TLR5: variants seen among roughly 807,000 people sequenced by gnomAD.
TLR5 encodes the protein toll like receptor 5, also known as toll-like receptor 5.
For missense variants in TLR5, 944 were observed against 999.8 expected (o/e 0.94, Z 0.75); for synonymous variants, 373 against 384.4 (o/e 0.97, Z 0.35).
chr1:223,111,652 G>A lies in TLR5; in HGVS notation c.1380C>T (p.Phe460=), dbSNP rs760375542. 50 of 1,614,066 alleles carry A rather than the reference G, an allele frequency of 3.1e-5. No homozygotes were observed. The Middle Eastern group carries it at 6.6e-4, about 21-fold the overall frequency. The part of the protein sequence containing the change: ...LQILILNQNR[F]SSCSGDQTPS... ...GGGTTTGATCTCCACTACAGGAGGA[G>A]AAGCGATTTTGATTTAAAATGAGAA... is the stretch of plus-strand genomic sequence containing the variant. The change falls in exon 6 of 6, where the codon TTC becomes TTT. Residue 460 remains phenylalanine, a synonymous_variant. Transcript: ENST00000642603.
chr1:223,111,735 T>C lies in TLR5; in HGVS notation c.1297A>G (p.Asn433Asp), dbSNP rs972663262. 1.9e-6 allele frequency: 3 copies of C among 1,614,046 alleles called. No homozygotes were observed. The highest frequency in any genetic ancestry group is 4.5e-5 in the East Asian group (2 of 44,882). The change falls in exon 6 of 6, where the codon AAC becomes GAC. Residue 433 changes from asparagine to aspartate, a missense_variant. Physicochemically the swap from Asn to Asp is conservative, Grantham distance 23. Coordinates refer to ENST00000642603, the MANE Select transcript of TLR5 (RefSeq NM_003268.6). ...AGAATATCTAGATTTTCTAGCCTGT[T>C]TTCTGATAAGTGGATGAGGTTCGCT... ...LTANLIHLSE[N>D]RLENLDILYF...
rs1656319255 is a variant in TLR5, at chr1:223,111,259, G to C, written c.1773C>G (p.Ile591Met). ...TGACATTGGTGTGATTAAGCCAATT[G>C]ATAAAAGTGCTAAGTTCACATTCAC... ...FICECELSTF[I>M]NWLNHTNVTI... Residue 591 changes from isoleucine (I) to methionine (M), a missense_variant, in exon 6 of 6, where the codon ATC (isoleucine) becomes ATG (methionine). Transcript: ENST00000642603. 6.2e-7 allele frequency: 1 copy of C among 1,614,010 alleles called. No homozygotes were observed. Among genetic ancestry groups the C allele is most frequent in the Admixed American group, 1.7e-5 (1 of 59,982 alleles).
chr1:223,126,495 TTA>T (rs1485468255), intron 5 of TLR5, among the ~76,000 whole-genome samples: 12 of 152,262 alleles, frequency 7.9e-5, no homozygotes, highest in African/African-American at 1.9e-4. Flanking sequence ...AAAATGAAAA[TTA>T]TATGTCTATT....
chr1:223,118,033 C>T lies in TLR5; in HGVS notation c.-4-4998G>A, dbSNP rs113823786. Among the ~76,000 whole-genome samples the T allele has an allele frequency of 7.2e-3, 1,101 of 152,290 alleles. 16 individuals are homozygous for T. Among genetic ancestry groups the T allele is most frequent in the African/African-American group, 0.024 (1,002 of 41,550 alleles). ...TATTCCAAGCCAAATGTGAGGACCA[C>T]GACCTGTGACACAGCCCTCAGGAGA... is the stretch of plus-strand genomic sequence containing the variant. On this transcript the variant is annotated intron_variant, in intron 5 of 5. Transcript: ENST00000642603.
chr1:223,110,394 G>T lies in TLR5; in HGVS notation c.*61C>A. The stretch of plus-strand genomic sequence containing the variant: ...GAGAGGACCCCAAAATGATAACTTG[G>T]TGCAAATACAAAGTGAAGAGTTATT... On this transcript the variant is annotated 3_prime_UTR_variant, in exon 6 of 6. Transcript: ENST00000642603. 6.3e-7 allele frequency: 1 copy of T among 1,581,732 alleles called. No individual in the cohort carries two copies. Among genetic ancestry groups the T allele is most frequent in the Non-Finnish European group, 8.7e-7 (1 of 1,154,038 alleles).
At chr1:223,141,853 A>G (rs1051973810) in intron 1 of TLR5, 90 bp from the exon 2 acceptor site, 3 of 146,520 alleles carry the variant, frequency 2.0e-5, no homozygotes, top group Admixed American at 1.4e-4. Flanking sequence ...AGAGAGAGAG[A>G]GAGAAAGAGA....
chr1:223,140,270 G>C (rs1657782953), intron 2 of TLR5, among the ~76,000 whole-genome samples: 1 of 152,178 alleles, frequency 6.6e-6, no homozygotes, highest in South Asian at 2.1e-4. Context: ...GGTCAGGCTG[G>C]GTGTGGTGGC....
At position 223,113,003 on chromosome 1, in the gene TLR5, C is replaced by G; in HGVS notation, c.29G>C (p.Gly10Ala). The G allele has an allele frequency of 6.2e-7, 1 of 1,614,122 alleles. No homozygotes were observed. Among genetic ancestry groups the G allele is most frequent in the Non-Finnish European group, 8.5e-7 (1 of 1,180,022 alleles). ...CACAGGACCGGCCATGAGCACCACTCCTAGGAGAAGGTCCAGGTGGTCTCC... is the reference window on the plus strand; with the variant it reads ...CACAGGACCGGCCATGAGCACCACTGCTAGGAGAAGGTCCAGGTGGTCTCC... MGDHLDLLL[G>A]VVLMAGPVFG... Residue 10 changes from glycine (G) to alanine (A), a missense_variant, in exon 6 of 6, where the codon GGA becomes GCA. Coordinates refer to ENST00000642603, the MANE Select transcript of TLR5 (RefSeq NM_003268.6).
chr1:223,119,054 A>C (rs979500718), intron 5 of TLR5, among the ~76,000 whole-genome samples: 1 of 152,132 alleles, frequency 6.6e-6, no homozygotes, highest in Non-Finnish European at 1.5e-5. Context: ...CAGTGAGCTG[A>C]GCTTGTGCCA....
In TLR5 at chr1:223,109,848, G is replaced by A. The variant is rs149345961; in HGVS notation, c.*607C>T. 2 of 154,072 alleles carry A rather than the reference G, an allele frequency of 1.3e-5. No individual in the cohort carries two copies. Among genetic ancestry groups the A allele is most frequent in the African/African-American group, 4.8e-5 (2 of 41,574 alleles). The allele number at this position is 154,072 out of a possible 1,614,324, so 9.5% of individuals were successfully genotyped here. A position where few individuals can be genotyped will look rare whatever the true frequency, so the allele number is the denominator to read the frequency against. On this transcript the variant is annotated 3_prime_UTR_variant, in exon 6 of 6. Transcript: ENST00000642603. Reference sequence around the variant, plus strand: ...GAGAAAGTTCTTGGCTCACTAGGGCGAGACCTGGAGAAGCCGAAGGTAAGA... The same window carrying A: ...GAGAAAGTTCTTGGCTCACTAGGGCAAGACCTGGAGAAGCCGAAGGTAAGA...
intron 3 of TLR5, among the ~76,000 whole-genome samples, 184 bp from the exon 4 acceptor site, chr1:223,135,048 G>A (rs1169573279): frequency 6.6e-6 from 1 of 152,148 alleles, no homozygotes; most frequent in African/African-American, 2.4e-5. Flanking sequence ...GTTCTGAGAG[G>A]GATGTGTAGT....
chr1:223,110,986 A>T lies in TLR5; in HGVS notation c.2046T>A (p.His682Gln), dbSNP rs1656294072. Residue 682 changes from histidine to glutamine, a missense_variant, in exon 6 of 6, where the codon CAT becomes CAA. Physicochemically the swap from His to Gln is conservative, Grantham distance 24 (BLOSUM62 0). Transcript: ENST00000642603. ...KTAQRLVFKDHPQGTEPDMYK... is the reference protein window; with the variant it reads ...KTAQRLVFKDQPQGTEPDMYK... ...ACATATCAGGTTCTGTGCCCTGGGG[A>T]TGGTCCTTGAACACCAGTCTCTGGG... 6.2e-7 allele frequency: 1 copy of T among 1,614,226 alleles called. No homozygotes were observed. Among genetic ancestry groups the T allele is most frequent in the Non-Finnish European group, 8.5e-7 (1 of 1,180,044 alleles).
chr1:223,142,248 T>C (rs1465847955), intron 1 of TLR5, among the ~76,000 whole-genome samples: 3 of 152,204 alleles, frequency 2.0e-5, no homozygotes, highest in East Asian at 3.9e-4. Context: ...TTCCAGGCAC[T>C]GAGCAAGAGG....
At chr1:223,117,562 C>CAAAAAAA (rs66839180) in intron 5 of TLR5, among the ~76,000 whole-genome samples, 9 of 105,100 alleles carry the variant, frequency 8.6e-5, no homozygotes, top group East Asian at 2.8e-4. Flanking sequence ...ATGGTGTTCA[C>CAAAAAAA]AAAAAAAAAA....
chr1:223,128,949 A>T (rs1487972275), intron 5 of TLR5: 1 of 152,110 alleles, frequency 6.6e-6, no homozygotes, highest in East Asian at 1.9e-4. Context: ...TGCAGTCAAG[A>T]CCCTCTGCCA....
chr1:223,112,837 G>T lies in TLR5; in HGVS notation c.195C>A (p.Ser65=), dbSNP rs377663706. The change falls in exon 6 of 6, where the codon TCC becomes TCA. Residue 65 remains serine, a synonymous_variant. Coordinates refer to ENST00000642603, the MANE Select transcript of TLR5 (RefSeq NM_003268.6). ...GCTGCAGCTGTTCCAGAAAGGGGAA[G>T]GATGAAGCAGTGACTGTCCTGATAT... ...FNYIRTVTAS[S]FPFLEQLQLL... is the part of the protein sequence containing the mutation. 4.3e-6 allele frequency: 7 copies of T among 1,612,984 alleles called. No homozygotes were observed. In the Admixed American group the frequency reaches 6.7e-5, roughly 15 times the overall value.
At chr1:223,140,753 T>G (rs1657806514) in intron 2 of TLR5, among the ~76,000 whole-genome samples, 1 of 152,156 alleles carries the variant, frequency 6.6e-6, no homozygotes, top group South Asian at 2.1e-4. Context: ...TGGTCATTCT[T>G]AAGTCAAGCT....
At chr1:223,135,543 G>T (rs1657576061) in intron 3 of TLR5, among the ~76,000 whole-genome samples, 1 of 152,326 alleles carries the variant, frequency 6.6e-6, no homozygotes, top group African/African-American at 2.4e-5. Context: ...CACAGTCTGG[G>T]TATCCTAGAC....
chr1:223,117,716 C>T (rs779919405), intron 5 of TLR5, among the ~76,000 whole-genome samples: 6 of 152,148 alleles, frequency 3.9e-5, no homozygotes, highest in Non-Finnish European at 7.3e-5. Flanking sequence ...AAAGCCGTGG[C>T]TCTTGATGGG....
Sources: gnomAD v4.1 joint callset for allele counts (sites outside exome capture counted in the v4.1 genomes callset) on GRCh38, gnomAD v4.1.1 for gene constraint, MANE v1.5 for transcripts, NCBI Gene and HGNC (gene_info 2026-07-23, HGNC 2026-07-21) for gene names.